Variants in RBM28 observed in about 807,000 individuals in gnomAD.
The protein encoded by RBM28 is RNA-binding protein 28.
In RBM28, 78 loss-of-function variants were observed where a neutral mutation model predicts 98.3. The ratio of observed to expected loss-of-function variants is 0.79; its 90% CI spans 0.66 to 0.96. The LOEUF (loss-of-function observed/expected upper bound fraction) is 0.96. RBM28 is among the 40% of genes least tolerant of loss of function. The pLI is 0.00. For synonymous variants in RBM28, 306 were observed against 330.9 expected (o/e 0.92, Z 0.82); for missense variants, 838 against 913.0 (o/e 0.92, Z 1.06).
rs2116349511 is a variant in RBM28 at position 128,324,481 on chromosome 7, C to T, written c.1339+78G>A. ...GGGTTTTTAATTTGAAACATGCTTCCAGGCATACTATTGCTTGATCAATGA... is the reference window on the plus strand; with the variant it reads ...GGGTTTTTAATTTGAAACATGCTTCTAGGCATACTATTGCTTGATCAATGA... On this transcript the variant is annotated intron_variant, in intron 12 of 18. Coordinates refer to ENST00000223073, the MANE Select transcript of RBM28 (RefSeq NM_018077.3). The T allele has an allele frequency of 8.8e-6, 14 of 1,592,074 alleles. No homozygotes were observed. In the South Asian group the frequency reaches 9.9e-5, roughly 11 times the overall value.
At chr7:128,339,594 C>A (rs150919831) in intron 2 of RBM28, 39 bp downstream of exon 2, 3 of 1,598,542 alleles carry the variant, frequency 1.9e-6, no homozygotes, top group African/African-American at 2.7e-5. Flanking sequence ...CTCCTCCTCA[C>A]CCTGGGAGAA....
intron 4 of RBM28, 76 bp from the exon 5 acceptor site, chr7:128,338,418 A>G (rs1796650317): frequency 8.0e-7 from 1 of 1,251,792 alleles, no homozygotes; most frequent in African/African-American, 1.5e-5. Flanking sequence ...AATTACTGCA[A>G]TTCAGGCCCA....
In RBM28 at chr7:128,329,407, C is replaced by CT. The variant is rs1351540433; in HGVS notation, c.1129+1411dup. On this transcript the variant is annotated intron_variant, in intron 10 of 18. Coordinates refer to ENST00000223073, the MANE Select transcript of RBM28 (RefSeq NM_018077.3). ...AGCCACCGCTCCCGGCCAGGTCTTA[C>CT]TTTTTTTTAGCTGAGTAAAAATCAA... 2.0e-5 allele frequency among the ~76,000 whole-genome samples: 3 copies of CT among 151,902 alleles called. No individual in the cohort carries two copies. In the South Asian group the frequency reaches 6.2e-4, roughly 32 times the overall value.
intron 1 of RBM28, among the ~76,000 whole-genome samples, chr7:128,341,518 G>A (rs1212136760): frequency 2.0e-5 from 3 of 152,194 alleles, no homozygotes; most frequent in Non-Finnish European, 4.4e-5. Flanking sequence ...CTGCTATTGA[G>A]GAAGACTTCA....
rs769651401 is a variant in RBM28, at chr7:128,324,603, T to C, written c.1295A>G (p.Lys432Arg). 6 of 1,614,252 alleles carry C rather than the reference T, an allele frequency of 3.7e-6. No individual in the cohort carries two copies. Among genetic ancestry groups the C allele is most frequent in the Non-Finnish European group, 3.4e-6 (4 of 1,180,050 alleles). The change falls in exon 12 of 19, where the codon AAG (lysine) becomes AGG (arginine). Residue 432 changes from lysine (K) to arginine (R), a missense_variant. Physicochemically the swap from Lys to Arg is conservative, Grantham distance 26. Transcript: ENST00000223073. The part of the protein sequence containing the change: ...EAAKLQTTKV[K>R]KPTGTRNLYL... ...GAGATTCCGGGTGCCAGTCGGCTTC[T>C]TCACCTTCGTCGTCTGAAGCTTTGC...
chr7:128,326,071 G>A (rs982420110), intron 10 of RBM28, among the ~76,000 whole-genome samples, 180 bp from the exon 11 acceptor site: 12 of 152,152 alleles, frequency 7.9e-5, no homozygotes, highest in African/African-American at 1.7e-4. Flanking sequence ...TTGGGAGGCC[G>A]ATGCGGGCAG....
intron 3 of RBM28, 133 bp downstream of exon 3, chr7:128,339,094 C>T: frequency 2.2e-6 from 2 of 893,678 alleles, no homozygotes; most frequent in East Asian, 4.8e-5. Flanking sequence ...TTTCTGAATT[C>T]AACAGGGGTA....
chr7:128,333,390 G>C (rs1173930067), intron 8 of RBM28, 28 bp from the exon 9 acceptor site: 3 of 1,520,612 alleles, frequency 2.0e-6, no homozygotes, highest in Admixed American at 3.3e-5. Flanking sequence ...ACAACAAACT[G>C]AAAGAGATTA....
In RBM28 at chr7:128,343,726, A is replaced by C. The variant is rs778796299; in HGVS notation, c.68T>G (p.Leu23Arg). ...PSARSEQLEE[L>R]FSQVGPVKQC... ...CTTCACCGGCCCCACCTGACTGAAC[A>C]GTTCCTCCAGCTGCTCACTGCGGGC... The change falls in exon 1 of 19, where the codon CTG (leucine) becomes CGG (arginine). Residue 23 changes from leucine to arginine, a missense_variant. Coordinates refer to ENST00000223073, the MANE Select transcript of RBM28 (RefSeq NM_018077.3). 7 of 1,611,664 alleles carry C rather than the reference A, an allele frequency of 4.3e-6. No homozygotes were observed. The highest frequency in any genetic ancestry group is 1.6e-4 in the Middle Eastern group (1 of 6,076).
In RBM28 at chr7:128,308,336, T is replaced by C. The variant is rs1433864071; in HGVS notation, c.*2461A>G. 1 of 152,214 alleles carries C rather than the reference T, an allele frequency of 6.6e-6. No individual in the cohort carries two copies. The highest frequency in any genetic ancestry group is 6.5e-5 in the Admixed American group (1 of 15,284). 9.4% of individuals were successfully genotyped at this position (152,214 alleles called of 1,614,324 possible). ...TTTTGATCTATCCTAAGTGTTAAGA[T>C]ATATTTTTGAATGTTAAAGATATTC... On this transcript the variant is annotated 3_prime_UTR_variant, in exon 19 of 19. Transcript: ENST00000223073.
At chr7:128,338,697 A>C in intron 4 of RBM28, 29 bp downstream of exon 4, 2 of 1,471,132 alleles carry the variant, frequency 1.4e-6, no homozygotes, top group Non-Finnish European at 1.9e-6. Flanking sequence ...AACTAACGTA[A>C]TCCACACCAA....
rs1232138811 is a variant in RBM28 at position 128,314,970 on chromosome 7, T to C, written c.1839A>G (p.Pro613=). The C allele has an allele frequency of 6.2e-7, 1 of 1,614,236 alleles. No homozygotes were observed. The highest frequency in any genetic ancestry group is 1.1e-5 in the South Asian group (1 of 91,082). Residue 613 remains proline, a synonymous_variant, in exon 17 of 19, where the codon CCA becomes CCG. Coordinates refer to ENST00000223073, the MANE Select transcript of RBM28 (RefSeq NM_018077.3). The part of the protein sequence containing the change: ...PATGEPQKGQ[P]EPAKDQQQKA... ...TCTGTTGCTGGTCTTTTGCAGGCTCTGGTTGCCCCTTCTGAGGCTCACCAG... is the reference window on the plus strand; with the variant it reads ...TCTGTTGCTGGTCTTTTGCAGGCTCCGGTTGCCCCTTCTGAGGCTCACCAG...
In RBM28 at chr7:128,310,051, T is replaced by G. The variant is rs369853219; in HGVS notation, c.*746A>C. On this transcript the variant is annotated 3_prime_UTR_variant, in exon 19 of 19. Coordinates refer to ENST00000223073, the MANE Select transcript of RBM28 (RefSeq NM_018077.3). ...AGGGGCAGACTTAATGAGGATCAAGTGTCCTCATTAAGGAGGACTTAGAGA... is the reference window on the plus strand; with the variant it reads ...AGGGGCAGACTTAATGAGGATCAAGGGTCCTCATTAAGGAGGACTTAGAGA... 6.6e-6 allele frequency: 1 copy of G among 152,348 alleles called. No homozygotes were observed. Among genetic ancestry groups the G allele is most frequent in the Non-Finnish European group, 1.5e-5 (1 of 68,154 alleles). The allele number at this position is 152,348 out of a possible 1,614,324, so 9.4% of individuals were successfully genotyped here. A position where few individuals can be genotyped will look rare whatever the true frequency, so the allele number is the denominator to read the frequency against.
rs5887368 is a variant in RBM28 at position 128,298,577 on chromosome 7, GC to G, written c.*12219del. 2.6e-5 allele frequency: 4 copies of G among 151,776 alleles called. No homozygotes were observed. Among genetic ancestry groups the G allele is most frequent in the African/African-American group, 4.9e-5 (2 of 41,100 alleles). 9.4% of individuals were successfully genotyped at this position (151,776 alleles called of 1,614,324 possible). On this transcript the variant is annotated 3_prime_UTR_variant, in exon 19 of 19. Transcript: ENST00000223073. ...AAAATGAACGGATTTATTTTCAAAT[GC>G]CCCCCATTGCTCTTCTTTAAATATA...
Position 128,313,255 on chromosome 7 carries a change from C to T in RBM28, c.2065G>A (p.Val689Met). 1 of 1,614,136 alleles carries T rather than the reference C, an allele frequency of 6.2e-7. No individual in the cohort carries two copies. Among genetic ancestry groups the T allele is most frequent in the Non-Finnish European group, 8.5e-7 (1 of 1,180,000 alleles). ...GGCTTTTTGGGATGGACGGGCTTCA[C>T]TTTGCCTTTGTCCCGCAACCTGAAA... The part of the protein sequence containing the change: ...PKIRLRDKGK[V>M]KPVHPKKPKP... The change falls in exon 18 of 19, where the codon GTG (valine) becomes ATG (methionine). Residue 689 changes from valine (V) to methionine (M), a missense_variant. Physicochemically the swap from Val to Met is conservative, Grantham distance 21. Coordinates refer to ENST00000223073, the MANE Select transcript of RBM28 (RefSeq NM_018077.3).
rs1795903925 is a variant in RBM28 at position 128,308,236 on chromosome 7, T to C, written c.*2561A>G. 1 of 152,250 alleles carries C rather than the reference T, an allele frequency of 6.6e-6. No homozygotes were observed. The highest frequency in any genetic ancestry group is 2.4e-5 in the African/African-American group (1 of 41,466). The allele number at this position is 152,250 out of a possible 1,614,324, so 9.4% of individuals were successfully genotyped here. A position where few individuals can be genotyped will look rare whatever the true frequency, so the allele number is the denominator to read the frequency against. ...CTCTCCAAGCAAGTGAATGAGGTTT[T>C]AACATACTGTTAAGTTGTTAAAAGA... is the stretch of plus-strand genomic sequence containing the variant. On this transcript the variant is annotated 3_prime_UTR_variant, in exon 19 of 19. Transcript: ENST00000223073.
At chr7:128,318,775 T>C (rs1796160694) in intron 14 of RBM28, among the ~76,000 whole-genome samples, 1 of 152,126 alleles carries the variant, frequency 6.6e-6, no homozygotes, top group Admixed American at 6.6e-5. Flanking sequence ...GAGAGGTACA[T>C]GGTATTTTAA....
intron 6 of RBM28, among the ~76,000 whole-genome samples, chr7:128,336,657 C>G (rs1796606584): frequency 6.6e-6 from 1 of 152,230 alleles, no homozygotes; most frequent in South Asian, 2.1e-4. Context: ...GACCTGGACT[C>G]ACTTCTGAGC....
chr7:128,315,058 G>A (rs1562948990), intron 16 of RBM28, 38 bp from the exon 17 acceptor site: 1 of 1,613,962 alleles, frequency 6.2e-7, no homozygotes, highest in East Asian at 2.2e-5. Flanking sequence ...GTTTCTGGAT[G>A]AGCTTTGTTT....
Sources: allele counts gnomAD v4.1 joint callset (sites outside exome capture counted in the v4.1 genomes callset), GRCh38; gene constraint gnomAD v4.1.1; transcripts MANE v1.5; gene names NCBI Gene and HGNC (gene_info 2026-07-23, HGNC 2026-07-21).